GRK4: variants seen among roughly 807,000 people sequenced by gnomAD.
The protein encoded by GRK4 is G protein-coupled receptor kinase 4.
A neutral mutation model predicts 77.9 loss-of-function variants in GRK4; 73 were observed. The ratio of observed to expected loss-of-function variants is 0.94; its 90% CI spans 0.78 to 1.14. The LOEUF (loss-of-function observed/expected upper bound fraction) is 1.14, where lower values mean the gene tolerates loss of function less well. GRK4 is among the 50% of genes most tolerant of loss of function. GRK4 has a pLI of 0.00. For synonymous variants in GRK4, 257 were observed against 254.4 expected, an observed-to-expected ratio of 1.01 and a Z score of -0.10; for missense variants, 729 against 700.2, an observed-to-expected ratio of 1.04 and a Z score of -0.46.
At chr4:2,976,307 C>T (rs556983601) in intron 1 of GRK4, among the ~76,000 whole-genome samples, 13 of 151,812 alleles carry the variant, frequency 8.6e-5, no homozygotes, top group Non-Finnish European at 1.9e-4. Context: ...TCATGGCTCA[C>T]TGCAGCCTTG....
chr4:3,007,685 T>A, intron 5 of GRK4, 51 bp from the exon 6 acceptor site: 1 of 1,189,828 alleles, frequency 8.4e-7, no homozygotes, highest in East Asian at 2.5e-5. Flanking sequence ...CACACTTGTT[T>A]TTATTTCTTA....
rs766661544 is a variant in GRK4, at chr4:3,037,404, G to T, written c.1438G>T (p.Asp480Tyr). ...TGCCGTTTACTGTAAGGACGTCCTGGATATCGAGCAGTTCTCGGTGGTGAA... is the reference window on the plus strand; with the variant it reads ...TGCCGTTTACTGTAAGGACGTCCTGTATATCGAGCAGTTCTCGGTGGTGAA... ...PHAVYCKDVL[D>Y]IEQFSVVKGI... The change falls in exon 14 of 16, where the codon GAT becomes TAT. Residue 480 changes from aspartate (D) to tyrosine (Y), a missense_variant. By Grantham distance (160) the Asp-to-Tyr change is radical. Coordinates refer to ENST00000398052, the MANE Select transcript of GRK4 (RefSeq NM_182982.3). 1 of 1,608,482 alleles carries T rather than the reference G, an allele frequency of 6.2e-7. No individual in the cohort carries two copies. The highest frequency in any genetic ancestry group is 8.5e-7 in the Non-Finnish European group (1 of 1,175,480).
At chr4:2,981,966 C>T (rs766461792) in intron 1 of GRK4, among the ~76,000 whole-genome samples, 1 of 152,266 alleles carries the variant, frequency 6.6e-6, no homozygotes, top group Non-Finnish European at 1.5e-5. Flanking sequence ...CCGCCCCTAT[C>T]GTGCACACAC....
At chr4:3,025,440 T>A (rs1173765769) in intron 10 of GRK4, among the ~76,000 whole-genome samples, 65 of 139,346 alleles carry the variant, frequency 4.7e-4, no homozygotes, top group East Asian at 2.4e-3. Context: ...CCCAGGCTGG[T>A]GTGCAGTGGC....
intron 10 of GRK4, among the ~76,000 whole-genome samples, chr4:3,023,515 A>G (rs764062429): frequency 3.3e-5 from 5 of 152,252 alleles, no homozygotes; most frequent in Non-Finnish European, 7.3e-5. Context: ...TGCCTCTGCC[A>G]GATGCTTTCA....
At chr4:3,019,997 G>T (rs1002105045) in intron 9 of GRK4, among the ~76,000 whole-genome samples, 166 bp downstream of exon 9, 3 of 151,986 alleles carry the variant, frequency 2.0e-5, no homozygotes, top group African/African-American at 4.8e-5. Context: ...TGGAAATATG[G>T]CCAGTCAGAG....
chr4:2,996,492 T>C (rs2109736732), intron 4 of GRK4, among the ~76,000 whole-genome samples: 1 of 152,132 alleles, frequency 6.6e-6, no homozygotes, highest in Admixed American at 6.5e-5. Flanking sequence ...GAGACAAAGT[T>C]TGCAGTGAGC....
intron 3 of GRK4, among the ~76,000 whole-genome samples, chr4:2,991,597 G>A (rs972516508): frequency 2.0e-5 from 3 of 152,096 alleles, no homozygotes; most frequent in Non-Finnish European, 4.4e-5. Context: ...TGCAACCTCC[G>A]CCTCCTGGGT....
At position 3,038,376 on chromosome 4, in the gene GRK4, A is replaced by T. The variant is rs1248196424; in HGVS notation, c.1546A>T (p.Met516Leu). ...CTGTCCTGTTATTCTGTGCATGCAGATGATCGAATCTGGGTGTTTCAAAGA... is the reference window on the plus strand; with the variant it reads ...CTGTCCTGTTATTCTGTGCATGCAGTTGATCGAATCTGGGTGTTTCAAAGA... ...GCVSIPWQNE[M>L]IESGCFKDIN... Residue 516 changes from methionine to leucine, a missense_variant and splice_region_variant, in exon 15 of 16, where the codon ATG (methionine) becomes TTG (leucine). By Grantham distance (15) the Met-to-Leu change is conservative. Coordinates refer to ENST00000398052, the MANE Select transcript of GRK4 (RefSeq NM_182982.3). 6.2e-7 allele frequency: 1 copy of T among 1,614,168 alleles called. No individual in the cohort carries two copies. The highest frequency in any genetic ancestry group is 8.5e-7 in the Non-Finnish European group (1 of 1,180,002).
In GRK4 at chr4:3,022,431, A is replaced by C. The variant is rs139428941; in HGVS notation, c.950A>C (p.Asn317Thr). The change falls in exon 10 of 16, where the codon AAT (asparagine) becomes ACT (threonine). Residue 317 changes from asparagine to threonine, a missense_variant. Physicochemically the swap from Asn to Thr is moderately conservative, Grantham distance 65 (BLOSUM62 0). Transcript: ENST00000398052. ...RIVYRDLKPE[N>T]ILLDDRGHIR... ...TCTTGTAGAGACTTGAAGCCTGAGA[A>C]TATTCTCCTTGATGATCGTGGTAAG... is the stretch of plus-strand genomic sequence containing the variant. The C allele has an allele frequency of 8.5e-4, 1,374 of 1,613,988 alleles. 11 individuals carry two copies. The Middle Eastern group carries it at 0.019, about 22-fold the overall frequency.
At chr4:2,977,000 G>A (rs1213106005) in intron 1 of GRK4, among the ~76,000 whole-genome samples, 1 of 152,224 alleles carries the variant, frequency 6.6e-6, no homozygotes, top group Non-Finnish European at 1.5e-5. Flanking sequence ...TGAGGCAGCA[G>A]TATGGGTGGG....
intron 1 of GRK4, among the ~76,000 whole-genome samples, chr4:2,975,877 A>G (rs1371940335): frequency 6.6e-6 from 1 of 152,220 alleles, no homozygotes; most frequent in Non-Finnish European, 1.5e-5. Flanking sequence ...CTAGGCCCCA[A>G]AAATCAAACC....
chr4:2,982,497 A>T (rs1414829618), intron 1 of GRK4, among the ~76,000 whole-genome samples: 1 of 152,214 alleles, frequency 6.6e-6, no homozygotes, highest in Non-Finnish European at 1.5e-5. Flanking sequence ...CTGCTCAATG[A>T]TTCAGCAGCT....
At chr4:2,968,623 C>T (rs1718490664) in intron 1 of GRK4, among the ~76,000 whole-genome samples, 1 of 152,056 alleles carries the variant, frequency 6.6e-6, no homozygotes, top group African/African-American at 2.4e-5. Flanking sequence ...AAATTCCTGC[C>T]ATTCTGGAGA....
At chr4:3,002,314 T>C (rs1416182514) in intron 4 of GRK4, among the ~76,000 whole-genome samples, 1 of 152,078 alleles carries the variant, frequency 6.6e-6, no homozygotes, top group East Asian at 1.9e-4. Context: ...CTTTAAACAC[T>C]GGACCCAGGC....
In GRK4 at chr4:2,993,500, C is replaced by T. The variant is rs1369969479; in HGVS notation, c.339+1208C>T. Among the ~76,000 whole-genome samples, 8 of 152,202 alleles carry T rather than the reference C, an allele frequency of 5.3e-5. No homozygotes were observed. The East Asian group carries it at 1.2e-3, about 22-fold the overall frequency. On this transcript the variant is annotated intron_variant, in intron 4 of 15. Coordinates refer to ENST00000398052, the MANE Select transcript of GRK4 (RefSeq NM_182982.3). Reference sequence around the variant, plus strand: ...ACAGGCCTGGCCAATATGGTGAAACCCTGTCTCTACTAAAAATACAAAAAT... The same window carrying T: ...ACAGGCCTGGCCAATATGGTGAAACTCTGTCTCTACTAAAAATACAAAAAT...
intron 1 of GRK4, among the ~76,000 whole-genome samples, chr4:2,974,631 A>C (rs1351334954): frequency 1.3e-5 from 2 of 152,186 alleles, no homozygotes; most frequent in Non-Finnish European, 2.9e-5. Flanking sequence ...ATCAGACAGG[A>C]GGGCTTTATG....
At chr4:3,028,972 ATGT>A (rs1738382494) in intron 11 of GRK4, among the ~76,000 whole-genome samples, 1 of 152,106 alleles carries the variant, frequency 6.6e-6, no homozygotes, top group African/African-American at 2.4e-5. Context: ...GGGTTTCACC[ATGT>A]TGTCCAGGCT....
intron 1 of GRK4, chr4:2,966,448 G>A (rs1275681390): frequency 6.6e-6 from 1 of 151,822 alleles, no homozygotes; most frequent in Non-Finnish European, 1.5e-5. Context: ...TTTTTTCCCT[G>A]AAATATCTCA....
Sources: gnomAD v4.1 joint callset for allele counts (sites outside exome capture counted in the v4.1 genomes callset) on GRCh38, gnomAD v4.1.1 for gene constraint, MANE v1.5 for transcripts, NCBI Gene and HGNC (gene_info 2026-07-23, HGNC 2026-07-21) for gene names.